Variants in PGBD5 observed in about 807,000 individuals in gnomAD.
The protein encoded by PGBD5 is piggyBac transposable element derived 5.
A neutral mutation model predicts 47.9 loss-of-function variants in PGBD5; 14 were observed. The ratio of observed to expected loss-of-function variants is 0.29; its 90% CI spans 0.19 to 0.46. The LOEUF is 0.46. PGBD5 is among the 20% of genes least tolerant of loss of function. PGBD5 has a pLI of 1.00. For missense variants in PGBD5, 635 were observed against 716.0 expected, an observed-to-expected ratio of 0.89 and a Z score of 1.29; for synonymous variants, 316 against 306.3, an observed-to-expected ratio of 1.03 and a Z score of -0.33.
chr1:230,337,153 G>A lies in PGBD5; in HGVS notation c.1030C>T (p.Pro344Ser), dbSNP rs1232463240. The change falls in exon 4 of 7, where the codon CCC (proline) becomes TCC (serine). Residue 344 changes from proline to serine, a missense_variant. Pro to Ser is a moderately conservative substitution (Grantham distance 74, BLOSUM62 -1). Coordinates refer to ENST00000391860, the MANE Select transcript of PGBD5 (RefSeq NM_001258311.2). ...AACAGCGTCAGGCTGGTGATGCTGG[G>A]CCCCGTGAAAATGATGTAGTTCTTG... is the stretch of plus-strand genomic sequence containing the variant. ...AGKNYIIFTG[P>S]SITSLTLFEE... 1.2e-6 allele frequency: 2 copies of A among 1,614,180 alleles called. No homozygotes were observed. Among genetic ancestry groups the A allele is most frequent in the African/African-American group, 1.3e-5 (1 of 75,064 alleles).
chr1:230,316,209 TAC>T lies in PGBD5; in HGVS notation c.*7214_*7215del, dbSNP rs368989586. ...ATGTGCATGTGTATACATACATATG[TAC>T]ACATGTGTATATGTGTATACGTACA... On this transcript the variant is annotated 3_prime_UTR_variant, in exon 7 of 7. Transcript: ENST00000391860. 7.4e-3 allele frequency: 1,102 copies of T among 149,348 alleles called. 9 individuals carry two copies. Among genetic ancestry groups the T allele is most frequent in the East Asian group, 0.035 (167 of 4,724 alleles). 9.3% of individuals were successfully genotyped at this position (149,348 alleles called of 1,614,324 possible).
intron 1 of PGBD5, among the ~76,000 whole-genome samples, chr1:230,386,981 C>T (rs1372086140): frequency 6.6e-6 from 1 of 152,196 alleles, no homozygotes; most frequent in East Asian, 1.9e-4. Flanking sequence ...CCTAACGTCT[C>T]CAAACTGAGA....
chr1:230,375,666 T>C (rs1668000401), intron 1 of PGBD5, among the ~76,000 whole-genome samples: 1 of 104,270 alleles, frequency 9.6e-6, no homozygotes, highest in African/African-American at 2.7e-5. Flanking sequence ...TTTTTTTTTT[T>C]TTTTTTTTTT....
chr1:230,389,174 CTTTTT>C (rs5781582), intron 1 of PGBD5, among the ~76,000 whole-genome samples: 2 of 142,660 alleles, frequency 1.4e-5, no homozygotes, highest in African/African-American at 2.6e-5. Context: ...CATTTTCTTT[CTTTTT>C]TTTTTTTTTT....
intron 1 of PGBD5, among the ~76,000 whole-genome samples, chr1:230,369,097 G>A (rs953750068): frequency 6.6e-6 from 1 of 152,230 alleles, no homozygotes; most frequent in Non-Finnish European, 1.5e-5. Flanking sequence ...GAGAGTCTCG[G>A]GTGAAGCCAG....
rs537016809 is a variant in PGBD5, at chr1:230,399,816, G to A, written c.331+25782C>T. ...GATCCTTCCAATACTCAGTTCCCACGGTGGAAACACGCGATCCATCAGGGC... is the reference window on the plus strand; with the variant it reads ...GATCCTTCCAATACTCAGTTCCCACAGTGGAAACACGCGATCCATCAGGGC... On this transcript the variant is annotated intron_variant, in intron 1 of 6. Transcript: ENST00000391860. 2.1e-4 allele frequency among the ~76,000 whole-genome samples: 32 copies of A among 152,224 alleles called. No homozygotes were observed. The South Asian group carries it at 6.2e-3, about 30-fold the overall frequency.
chr1:230,393,639 C>A (rs1235644036), intron 1 of PGBD5, among the ~76,000 whole-genome samples: 1 of 151,982 alleles, frequency 6.6e-6, no homozygotes, highest in Non-Finnish European at 1.5e-5. Flanking sequence ...AGATCGAGAC[C>A]ACGGTGAAAC....
intron 1 of PGBD5, among the ~76,000 whole-genome samples, chr1:230,369,385 A>G (rs940949582): frequency 1.3e-5 from 2 of 152,144 alleles, no homozygotes; most frequent in Non-Finnish European, 1.5e-5. Flanking sequence ...CCCCTCCATG[A>G]CCAGGGGCAT....
At chr1:230,356,012 G>A (rs1667639685) in intron 2 of PGBD5, among the ~76,000 whole-genome samples, 1 of 152,214 alleles carries the variant, frequency 6.6e-6, no homozygotes, top group Non-Finnish European at 1.5e-5. Flanking sequence ...AGAATTGGAG[G>A]TTTATTTAGA....
At chr1:230,405,349 T>C (rs1173948734) in intron 1 of PGBD5, among the ~76,000 whole-genome samples, 1 of 152,152 alleles carries the variant, frequency 6.6e-6, no homozygotes, top group Non-Finnish European at 1.5e-5. Flanking sequence ...CATCCTTCTC[T>C]CCTCAGCCTT....
At position 230,316,632 on chromosome 1, in the gene PGBD5, A is replaced by C. The variant is rs1666954654; in HGVS notation, c.*6793T>G. The C allele has an allele frequency of 6.6e-6, 1 of 152,052 alleles. No homozygotes were observed. Among genetic ancestry groups the C allele is most frequent in the Non-Finnish European group, 1.5e-5 (1 of 67,986 alleles). 9.4% of individuals were successfully genotyped at this position (152,052 alleles called of 1,614,324 possible). On this transcript the variant is annotated 3_prime_UTR_variant, in exon 7 of 7. Coordinates refer to ENST00000391860, the MANE Select transcript of PGBD5 (RefSeq NM_001258311.2). ...TTTTTTTCCTACCACGACTCTTGCCAAAATTTGGCTGTTTCTTAGTGGAGA... is the reference window on the plus strand; with the variant it reads ...TTTTTTTCCTACCACGACTCTTGCCCAAATTTGGCTGTTTCTTAGTGGAGA...
At chr1:230,413,608 TA>T (rs960672444) in intron 1 of PGBD5, among the ~76,000 whole-genome samples, 32 of 152,230 alleles carry the variant, frequency 2.1e-4, no homozygotes, top group African/African-American at 6.7e-4. Flanking sequence ...TTTAAATCAT[TA>T]AAAAAATATA....
chr1:230,325,006 A>C (rs1667092248), intron 6 of PGBD5, among the ~76,000 whole-genome samples: 1 of 152,154 alleles, frequency 6.6e-6, no homozygotes, highest in Admixed American at 6.5e-5. Context: ...CTGGAGTTTG[A>C]GCTCACTGCT....
At chr1:230,422,884 A>G (rs1008462103) in intron 1 of PGBD5, among the ~76,000 whole-genome samples, 3 of 150,668 alleles carry the variant, frequency 2.0e-5, no homozygotes, top group Non-Finnish European at 4.4e-5. Flanking sequence ...GTATCTCCCT[A>G]CTGTGTGCAC....
intron 1 of PGBD5, among the ~76,000 whole-genome samples, chr1:230,376,736 T>A (rs897949351): frequency 6.6e-6 from 1 of 152,146 alleles, no homozygotes; most frequent in African/African-American, 2.4e-5. Context: ...GGCAGGTGAC[T>A]CAGTTTTCTC....
At chr1:230,368,175 G>GA (rs1667871976) in intron 1 of PGBD5, 1 of 1,363,586 alleles carries the variant, frequency 7.3e-7, no homozygotes, top group African/African-American at 1.5e-5. Flanking sequence ...GGAGGAGAGA[G>GA]AAGGCTTGGG....
intron 3 of PGBD5, among the ~76,000 whole-genome samples, chr1:230,342,376 C>T (rs539448045): frequency 6.6e-6 from 1 of 152,282 alleles, no homozygotes; most frequent in African/African-American, 2.4e-5. Flanking sequence ...GGTATCACAT[C>T]GTAGGGACTG....
In PGBD5 at chr1:230,372,275, G is replaced by C. The variant is rs142281609; in HGVS notation, c.332-14954C>G. Among the ~76,000 whole-genome samples the C allele has an allele frequency of 2.0e-3, 305 of 152,332 alleles. 1 individual carries two copies. The highest frequency in any genetic ancestry group is 1.3e-3 in the Non-Finnish European group (87 of 68,022). Reference sequence around the variant, plus strand: ...GCACTGTGAGCCTGTTTACAGAGCAGTTTCGTTGCTGGTGAATTTTTCTGT... The same window carrying C: ...GCACTGTGAGCCTGTTTACAGAGCACTTTCGTTGCTGGTGAATTTTTCTGT... On this transcript the variant is annotated intron_variant, in intron 1 of 6. Coordinates refer to ENST00000391860, the MANE Select transcript of PGBD5 (RefSeq NM_001258311.2).
chr1:230,324,624 C>A (rs1205406212), intron 6 of PGBD5, among the ~76,000 whole-genome samples: 1 of 152,148 alleles, frequency 6.6e-6, no homozygotes, highest in Non-Finnish European at 1.5e-5. Context: ...GTTAGCCCAA[C>A]CCTGTTCTAA....
Sources: gnomAD v4.1 joint callset for allele counts (sites outside exome capture counted in the v4.1 genomes callset) on GRCh38, gnomAD v4.1.1 for gene constraint, MANE v1.5 for transcripts, NCBI Gene and HGNC (gene_info 2026-07-23, HGNC 2026-07-21) for gene names.